The following TGFBR1 variants were observed in gnomAD, a reference collection of about 807,000 sequenced individuals.
The protein encoded by TGFBR1 is TGF-beta receptor type-1.
Under a neutral mutation model 55.1 loss-of-function variants are expected in TGFBR1, and 20 were observed. The observed-to-expected ratio is 0.36, with a 90% confidence interval of 0.26 to 0.53. The LOEUF (loss-of-function observed/expected upper bound fraction) is 0.53. TGFBR1 is among the 20% of genes least tolerant of loss of function. The pLI, the probability that TGFBR1 is intolerant of heterozygous loss-of-function variation, is 0.91. For synonymous variants in TGFBR1, 220 were observed against 214.8 expected (o/e 1.02, Z -0.21); for missense variants, 385 against 617.6 (o/e 0.62, Z 3.99).
At chr9:99,115,752 G>T (rs1826716580) in intron 1 of TGFBR1, among the ~76,000 whole-genome samples, 1 of 152,092 alleles carries the variant, frequency 6.6e-6, no homozygotes, top group African/African-American at 2.4e-5. Flanking sequence ...TATTCAATGT[G>T]TGATAGATTT....
rs201853298 is a variant in TGFBR1 at position 99,128,499 on chromosome 9, A to AG, written c.98-355dup. 8.9e-3 allele frequency among the ~76,000 whole-genome samples: 1,327 copies of AG among 148,566 alleles called. 23 individuals are homozygous for AG. Among genetic ancestry groups the AG allele is most frequent in the African/African-American group, 0.031 (1,237 of 40,348 alleles). On this transcript the variant is annotated intron_variant, in intron 1 of 8. Coordinates refer to ENST00000374994, the MANE Select transcript of TGFBR1 (RefSeq NM_004612.4). Reference sequence around the variant, plus strand: ...GTAAAAAAAAAAAAAAAAAAAAAAAAGTATAACCATTACAAATTTAAATGT... The same window carrying AG: ...GTAAAAAAAAAAAAAAAAAAAAAAAAGGTATAACCATTACAAATTTAAATGT...
At position 99,149,452 on chromosome 9, in the gene TGFBR1, C is replaced by A; in HGVS notation, c.*147C>A. Reference sequence around the variant, plus strand: ...GTGTAATAAAGTCAATTAAAAACTTCCCAGGATTTCTTTGGACCCAGGAAA... The same window carrying A: ...GTGTAATAAAGTCAATTAAAAACTTACCAGGATTTCTTTGGACCCAGGAAA... On this transcript the variant is annotated 3_prime_UTR_variant, in exon 9 of 9. Coordinates refer to ENST00000374994, the MANE Select transcript of TGFBR1 (RefSeq NM_004612.4). The A allele has an allele frequency of 2.6e-6, 3 of 1,168,884 alleles. No individual in the cohort carries two copies. Among genetic ancestry groups the A allele is most frequent in the Non-Finnish European group, 2.5e-6 (2 of 809,866 alleles). The allele number at this position is 1,168,884 out of a possible 1,614,324, so 72.4% of individuals were successfully genotyped here. A position where few individuals can be genotyped will look rare whatever the true frequency, so the allele number is the denominator to read the frequency against.
In TGFBR1 at chr9:99,150,756, T is replaced by C. The variant is rs200560836; in HGVS notation, c.*1451T>C. Reference sequence around the variant, plus strand: ...GAGAGGTGGTAGCTAAAGAACATTCTGAGTATAGGTTTTTCTCCATTTACA... The same window carrying C: ...GAGAGGTGGTAGCTAAAGAACATTCCGAGTATAGGTTTTTCTCCATTTACA... On this transcript the variant is annotated 3_prime_UTR_variant, in exon 9 of 9. Transcript: ENST00000374994. The C allele has an allele frequency of 9.3e-6, 2 of 215,020 alleles. No homozygotes were observed. The highest frequency in any genetic ancestry group is 1.9e-5 in the Non-Finnish European group (2 of 106,268). 13.3% of individuals were successfully genotyped at this position (215,020 alleles called of 1,614,324 possible).
chr9:99,142,485 T>A (rs2118775381), intron 4 of TGFBR1, 51 bp from the exon 5 acceptor site: 2 of 1,606,414 alleles, frequency 1.2e-6, no homozygotes, highest in Non-Finnish European at 1.7e-6. Flanking sequence ...ATTGAACAAA[T>A]AAATCATAAA....
chr9:99,147,751 G>A lies in TGFBR1; in HGVS notation c.1353G>A (p.Arg451=), dbSNP rs775143255. ...AAGTTGTTTGTGAACAGAAGTTAAG[G>A]CCAAATATCCCAAACAGATGGCAGA... is the stretch of plus-strand genomic sequence containing the variant. The part of the protein sequence containing the change: ...MRKVVCEQKL[R]PNIPNRWQSC... The change falls in exon 8 of 9, where the codon AGG becomes AGA. Residue 451 remains arginine (R), a synonymous_variant. Transcript: ENST00000374994. 6.2e-7 allele frequency: 1 copy of A among 1,613,662 alleles called. No homozygotes were observed. The highest frequency in any genetic ancestry group is 2.2e-5 in the East Asian group (1 of 44,860).
chr9:99,126,884 C>T (rs1258371486), intron 1 of TGFBR1, among the ~76,000 whole-genome samples: 1 of 152,060 alleles, frequency 6.6e-6, no homozygotes, highest in African/African-American at 2.4e-5. Flanking sequence ...ATAAAGAAAG[C>T]GTTTTTAATA....
chr9:99,145,985 A>G (rs1336796107), intron 6 of TGFBR1: 1 of 194,372 alleles, frequency 5.1e-6, no homozygotes, highest in Admixed American at 5.4e-5. Flanking sequence ...ATTCTCAACC[A>G]GCTAAGGGGT....
intron 1 of TGFBR1, among the ~76,000 whole-genome samples, chr9:99,119,095 A>C (rs544195778): frequency 1.3e-5 from 2 of 152,260 alleles, no homozygotes; most frequent in South Asian, 4.1e-4. Flanking sequence ...TTGTGTTCTG[A>C]GAAAAGGTGT....
At position 99,152,541 on chromosome 9, in the gene TGFBR1, C is replaced by G. The variant is rs1416003796; in HGVS notation, c.*3236C>G. 1 of 230,002 alleles carries G rather than the reference C, an allele frequency of 4.3e-6. No homozygotes were observed. Among genetic ancestry groups the G allele is most frequent in the African/African-American group, 2.2e-5 (1 of 45,122 alleles). 14.2% of individuals were successfully genotyped at this position (230,002 alleles called of 1,614,324 possible). On this transcript the variant is annotated 3_prime_UTR_variant, in exon 9 of 9. Transcript: ENST00000374994. ...ATTTTGTAGTACATGCATGAGTTAC[C>G]TTTTTTCTCTATGTCTGAGAACTGT... is the stretch of plus-strand genomic sequence containing the variant.
intron 4 of TGFBR1, among the ~76,000 whole-genome samples, chr9:99,140,139 T>C (rs1325973044): frequency 6.6e-6 from 1 of 152,132 alleles, no homozygotes; most frequent in Non-Finnish European, 1.5e-5. Flanking sequence ...CACCTGACAA[T>C]GTAATACCTC....
chr9:99,110,864 C>G (rs968128762), intron 1 of TGFBR1, among the ~76,000 whole-genome samples: 2 of 152,214 alleles, frequency 1.3e-5, no homozygotes, highest in African/African-American at 4.8e-5. Flanking sequence ...GTTAAGCACT[C>G]CAGGGTATGT....
intron 4 of TGFBR1, among the ~76,000 whole-genome samples, chr9:99,140,403 C>T (rs1161070827): frequency 2.0e-5 from 3 of 152,020 alleles, no homozygotes; most frequent in East Asian, 3.9e-4. Context: ...GCAGTCAGAG[C>T]TGAGATCGCA....
intron 2 of TGFBR1, 62 bp from the exon 3 acceptor site, chr9:99,132,447 G>C: frequency 1.2e-6 from 2 of 1,604,260 alleles, no homozygotes; most frequent in Non-Finnish European, 1.7e-6. Flanking sequence ...GGAAAATGGG[G>C]GTTGCCACCT....
At chr9:99,120,303 G>T (rs1173349031) in intron 1 of TGFBR1, among the ~76,000 whole-genome samples, 1 of 152,108 alleles carries the variant, frequency 6.6e-6, no homozygotes, top group African/African-American at 2.4e-5. Flanking sequence ...AATCTAATAA[G>T]AAACTGTGTA....
chr9:99,138,246 G>A (rs1290107146), intron 4 of TGFBR1, among the ~76,000 whole-genome samples, 157 bp downstream of exon 4: 1 of 152,086 alleles, frequency 6.6e-6, no homozygotes, highest in African/African-American at 2.4e-5. Flanking sequence ...GTAACTTTTA[G>A]AACTAGGAAC....
chr9:99,113,797 C>T (rs1826653511), intron 1 of TGFBR1, among the ~76,000 whole-genome samples: 1 of 152,184 alleles, frequency 6.6e-6, no homozygotes. Context: ...AGGCAGAATT[C>T]AGCTCAATGT....
intron 1 of TGFBR1, among the ~76,000 whole-genome samples, chr9:99,109,750 T>C (rs1826510803): frequency 6.6e-6 from 1 of 152,208 alleles, no homozygotes; most frequent in South Asian, 2.1e-4. Flanking sequence ...TGTGGTTTGA[T>C]ATCATGTGAT....
At chr9:99,130,022 T>C (rs184532237) in intron 2 of TGFBR1, among the ~76,000 whole-genome samples, 235 of 152,304 alleles carry the variant, frequency 1.5e-3, no homozygotes, top group Non-Finnish European at 2.3e-3. Context: ...TGTATTTAAC[T>C]CTTACCTCTT....
At chr9:99,106,190 G>C (rs1019707872) in intron 1 of TGFBR1, among the ~76,000 whole-genome samples, 2 of 152,318 alleles carry the variant, frequency 1.3e-5, no homozygotes, top group East Asian at 3.9e-4. Flanking sequence ...CTTTTCTTGA[G>C]TGACAGTTAA....
Sources: allele counts gnomAD v4.1 joint callset (sites outside exome capture counted in the v4.1 genomes callset), GRCh38; gene constraint gnomAD v4.1.1; transcripts MANE v1.5; gene names NCBI Gene and HGNC (gene_info 2026-07-23, HGNC 2026-07-21).